NDUFB3: variants seen among roughly 807,000 people sequenced by gnomAD.
The protein encoded by NDUFB3 is NADH dehydrogenase [ubiquinone] 1 beta subcomplex subunit 3.
NDUFB3 carries 7 observed loss-of-function variants against 9.0 expected under a neutral mutation model. That is an observed-to-expected ratio of 0.78 (90% CI 0.44 to 1.46). The LOEUF (loss-of-function observed/expected upper bound fraction) is 1.46, where lower values mean the gene tolerates loss of function less well. Ranked by LOEUF, NDUFB3 falls within the 40% of genes most tolerant of loss-of-function variation. NDUFB3 has a pLI of 0.01. For synonymous variants in NDUFB3, 29 were observed against 38.5 expected, an observed-to-expected ratio of 0.75 and a Z score of 0.91; for missense variants, 93 against 115.4, an observed-to-expected ratio of 0.81 and a Z score of 0.89.
intron 1 of NDUFB3, among the ~76,000 whole-genome samples, chr2:201,072,517 A>G (rs1359730016): frequency 6.6e-6 from 1 of 152,208 alleles, no homozygotes; most frequent in Non-Finnish European, 1.5e-5. Flanking sequence ...TAGGGAAAGG[A>G]TACCAGCACA....
intron 1 of NDUFB3, among the ~76,000 whole-genome samples, chr2:201,076,519 A>T (rs2047165225): frequency 2.7e-5 from 4 of 146,926 alleles, no homozygotes; most frequent in Non-Finnish European, 3.0e-5. Context: ...ATATAATTAA[A>T]TGTGAAAATC....
At position 201,080,699 on chromosome 2, in the gene NDUFB3, C is replaced by CTTT. The variant is rs58130221; in HGVS notation, c.140+1698_140+1700dup. On this transcript the variant is annotated intron_variant, in intron 2 of 2. Coordinates refer to ENST00000237889, the MANE Select transcript of NDUFB3 (RefSeq NM_002491.3). The stretch of plus-strand genomic sequence containing the variant: ...AAATTACATAGCATAAGATCTCCAA[C>CTTT]TTTTTTTTTTTTTTTTTTTTTTTGA... Among the ~76,000 whole-genome samples, 227 of 99,028 alleles carry CTTT rather than the reference C, an allele frequency of 2.3e-3. 1 individual carries two copies. The highest frequency in any genetic ancestry group is 4.1e-3 in the East Asian group (14 of 3,408). The allele number at this position is 99,028 out of a possible 152,430, so 65.0% of individuals were successfully genotyped here.
intron 2 of NDUFB3, among the ~76,000 whole-genome samples, chr2:201,080,181 A>G (rs188669237): frequency 1.3e-5 from 2 of 152,306 alleles, no homozygotes; most frequent in Admixed American, 1.3e-4. Context: ...GTATTTTTAC[A>G]TATGTGCATC....
intron 1 of NDUFB3, among the ~76,000 whole-genome samples, chr2:201,075,136 A>G (rs2047147787): frequency 6.9e-6 from 1 of 145,604 alleles, no homozygotes; most frequent in African/African-American, 2.6e-5. Flanking sequence ...GCTTGAGGCC[A>G]GGAGTTCAAC....
chr2:201,085,681 C>A lies in NDUFB3; in HGVS notation c.*66C>A. Reference sequence around the variant, plus strand: ...CAAAATAAGATTTCTTCTCTGTAGCCTACTTGTCTGGTTTATCCCTTACAG... The same window carrying A: ...CAAAATAAGATTTCTTCTCTGTAGCATACTTGTCTGGTTTATCCCTTACAG... On this transcript the variant is annotated 3_prime_UTR_variant, in exon 3 of 3. Transcript: ENST00000237889. 1 of 1,407,128 alleles carries A rather than the reference C, an allele frequency of 7.1e-7. No individual in the cohort carries two copies. Among genetic ancestry groups the A allele is most frequent in the Non-Finnish European group, 9.7e-7 (1 of 1,029,212 alleles). 87.2% of individuals were successfully genotyped at this position (1,407,128 alleles called of 1,614,324 possible).
intron 1 of NDUFB3, among the ~76,000 whole-genome samples, chr2:201,072,607 A>T (rs899170632): frequency 2.6e-5 from 4 of 152,172 alleles, no homozygotes; most frequent in Admixed American, 6.5e-5. Flanking sequence ...GATAGCTTTT[A>T]AAATTTTTGG....
rs11884657 is a variant in NDUFB3 at position 201,083,631 on chromosome 2, G to A, written c.141-1828G>A. On this transcript the variant is annotated intron_variant, in intron 2 of 2. Coordinates refer to ENST00000237889, the MANE Select transcript of NDUFB3 (RefSeq NM_002491.3). ...CAAAGTGCTGGGATTACAGGCCTGA[G>A]CCACCGTGCCCATCCTGTTATTACC... Among the ~76,000 whole-genome samples the A allele has an allele frequency of 2.4e-3, 359 of 152,140 alleles. 1 individual carries two copies. Among genetic ancestry groups the A allele is most frequent in the African/African-American group, 7.9e-3 (329 of 41,518 alleles).
chr2:201,077,841 C>T (rs774951102), intron 1 of NDUFB3, among the ~76,000 whole-genome samples: 97 of 152,256 alleles, frequency 6.4e-4, no homozygotes, highest in Non-Finnish European at 1.1e-3. Context: ...AAAATATTTA[C>T]GATCTGCCTC....
chr2:201,083,656 CATTAATGGATATTGGATTTTGTTAA>C (rs1487803900), intron 2 of NDUFB3, among the ~76,000 whole-genome samples: 1 of 152,026 alleles, frequency 6.6e-6, no homozygotes, highest in Non-Finnish European at 1.5e-5. Flanking sequence ...CTGTTATTAC[CATTAATGGATATTGGATTTTGTTAA>C]ATGCTTTTTC....
intron 1 of NDUFB3, among the ~76,000 whole-genome samples, chr2:201,072,834 A>G (rs1345210539): frequency 6.6e-6 from 1 of 152,220 alleles, no homozygotes; most frequent in Non-Finnish European, 1.5e-5. Context: ...TCCACCTCTT[A>G]GATTAGAAAA....
At position 201,079,273 on chromosome 2, in the gene NDUFB3, C is replaced by T. The variant is rs144629284; in HGVS notation, c.140+251C>T. Among the ~76,000 whole-genome samples the T allele has an allele frequency of 0.011, 1,729 of 151,828 alleles. 18 individuals are homozygous for T. Among genetic ancestry groups the T allele is most frequent in the Non-Finnish European group, 0.017 (1,135 of 67,922 alleles). On this transcript the variant is annotated intron_variant, in intron 2 of 2. Transcript: ENST00000237889. The stretch of plus-strand genomic sequence containing the variant: ...GATTCTCTTGCCTCAGCCTCCCAAG[C>T]AGCTGGGATTACAGGCACGCGCCAC...
At chr2:201,080,699 C>CTTTTT (rs58130221) in intron 2 of NDUFB3, among the ~76,000 whole-genome samples, 7 of 99,008 alleles carry the variant, frequency 7.1e-5, no homozygotes, top group Non-Finnish European at 1.3e-4. Flanking sequence ...AGATCTCCAA[C>CTTTTT]TTTTTTTTTT....
chr2:201,085,207 G>A (rs2047277009), intron 2 of NDUFB3, among the ~76,000 whole-genome samples: 1 of 152,180 alleles, frequency 6.6e-6, no homozygotes, highest in African/African-American at 2.4e-5. Flanking sequence ...TTGCATTTGA[G>A]GGTTCTGTAA....
chr2:201,076,505 AT>A (rs1234010658), intron 1 of NDUFB3, among the ~76,000 whole-genome samples: 5 of 146,388 alleles, frequency 3.4e-5, no homozygotes, highest in African/African-American at 1.0e-4. Context: ...ATATATATAT[AT>A]ATATATAATT....
chr2:201,082,328 C>T (rs1338213395), intron 2 of NDUFB3, among the ~76,000 whole-genome samples: 1 of 151,614 alleles, frequency 6.6e-6, no homozygotes, highest in Non-Finnish European at 1.5e-5. Flanking sequence ...GCAATGATGC[C>T]GTTTTGGCTC....
intron 1 of NDUFB3, among the ~76,000 whole-genome samples, chr2:201,074,423 A>G (rs897714386): frequency 1.3e-5 from 2 of 149,244 alleles, no homozygotes; most frequent in Admixed American, 6.6e-5. Flanking sequence ...TAGGAGTGGA[A>G]TTGATGGCCA....
intron 1 of NDUFB3, among the ~76,000 whole-genome samples, chr2:201,077,144 T>C (rs1172276288): frequency 6.6e-6 from 1 of 152,062 alleles, no homozygotes; most frequent in Non-Finnish European, 1.5e-5. Flanking sequence ...ATTGGGCCTG[T>C]TCATAGTTAT....
At chr2:201,078,007 A>C (rs1327699591) in intron 1 of NDUFB3, among the ~76,000 whole-genome samples, 1 of 152,206 alleles carries the variant, frequency 6.6e-6, no homozygotes, top group Non-Finnish European at 1.5e-5. Context: ...ATTGCTTAGA[A>C]GTTAGGAGCA....
intron 1 of NDUFB3, chr2:201,072,381 T>A (rs1310151278): frequency 6.6e-6 from 1 of 152,228 alleles, no homozygotes; most frequent in South Asian, 2.1e-4. Flanking sequence ...GTTCATTTGT[T>A]TTTTATGTTC....
Sources: gnomAD v4.1 joint callset for allele counts (sites outside exome capture counted in the v4.1 genomes callset) on GRCh38, gnomAD v4.1.1 for gene constraint, MANE v1.5 for transcripts, NCBI Gene and HGNC (gene_info 2026-07-23, HGNC 2026-07-21) for gene names.